RAB8B: variants seen among roughly 807,000 people sequenced by gnomAD.
RAB8B encodes the protein ras-related protein Rab-8B.
RAB8B carries 11 observed loss-of-function variants against 32.0 expected under a neutral mutation model. That is an observed-to-expected ratio of 0.34 (90% CI 0.22 to 0.57). RAB8B has a LOEUF of 0.57. RAB8B is among the 20% of genes least tolerant of loss of function. The pLI is 0.86. For missense variants in RAB8B, 190 were observed against 258.5 expected, an observed-to-expected ratio of 0.73 and a Z score of 1.82; for synonymous variants, 103 against 89.6, an observed-to-expected ratio of 1.15 and a Z score of -0.85.
chr15:63,207,392 C>T (rs936181596), intron 1 of RAB8B, among the ~76,000 whole-genome samples: 1 of 152,160 alleles, frequency 6.6e-6, no homozygotes, highest in East Asian at 1.9e-4. Flanking sequence ...TTCCCGGCCT[C>T]TCTCAGACTC....
intron 2 of RAB8B, among the ~76,000 whole-genome samples, chr15:63,246,841 C>T (rs1314837596): frequency 6.6e-6 from 1 of 152,168 alleles, no homozygotes; most frequent in Non-Finnish European, 1.5e-5. Context: ...TGTGGCTGAA[C>T]AGGAGCCCCA....
chr15:63,195,385 T>C (rs1338367089), intron 1 of RAB8B, among the ~76,000 whole-genome samples: 1 of 152,314 alleles, frequency 6.6e-6, no homozygotes, highest in South Asian at 2.1e-4. Flanking sequence ...GGTACAAATA[T>C]GGATCTGTCT....
At chr15:63,244,721 G>A (rs376579300) in intron 1 of RAB8B, 35 bp from the exon 2 acceptor site, 4 of 1,498,200 alleles carry the variant, frequency 2.7e-6, no homozygotes, top group African/African-American at 2.8e-5. Context: ...TATATCTGAA[G>A]AAACTTAACA....
At chr15:63,224,067 G>C (rs17828874) in intron 1 of RAB8B, 65,411 of 169,432 alleles carry the variant, frequency 0.39, 14,138 homozygotes, top group Non-Finnish European at 0.5. Context: ...TCAAAACAAG[G>C]AAATGCTTAT....
At chr15:63,246,665 T>A (rs2038075003) in intron 2 of RAB8B, among the ~76,000 whole-genome samples, 1 of 151,942 alleles carries the variant, frequency 6.6e-6, no homozygotes. Flanking sequence ...GTCCTTTGAG[T>A]TTTTATGGAA....
Position 63,266,437 on chromosome 15 carries a change from G to A in RAB8B, c.*2818G>A, listed in dbSNP as rs1352481922. On this transcript the variant is annotated 3_prime_UTR_variant, in exon 8 of 8. Coordinates refer to ENST00000321437, the MANE Select transcript of RAB8B (RefSeq NM_016530.3). The stretch of plus-strand genomic sequence containing the variant: ...TGCATCAGTTAGTAGGTGCTGCAGG[G>A]TTTCTTACTATTTACAGAAACATTT... 2 of 152,504 alleles carry A rather than the reference G, an allele frequency of 1.3e-5. No homozygotes were observed. Among genetic ancestry groups the A allele is most frequent in the Non-Finnish European group, 2.9e-5 (2 of 67,980 alleles). The allele number at this position is 152,504 out of a possible 1,614,324, so 9.4% of individuals were successfully genotyped here.
At chr15:63,207,052 C>T (rs376460761) in intron 1 of RAB8B, among the ~76,000 whole-genome samples, 8 of 152,340 alleles carry the variant, frequency 5.3e-5, no homozygotes, top group African/African-American at 1.9e-4. Flanking sequence ...CCGCTCCTCC[C>T]CTTTCCATGG....
At chr15:63,197,018 A>C (rs1286947487) in intron 1 of RAB8B, among the ~76,000 whole-genome samples, 1 of 152,162 alleles carries the variant, frequency 6.6e-6, no homozygotes, top group Non-Finnish European at 1.5e-5. Flanking sequence ...GCCTGTTAAC[A>C]GTTTCATGCC....
At chr15:63,215,897 G>A (rs1414842094) in intron 1 of RAB8B, among the ~76,000 whole-genome samples, 2 of 151,982 alleles carry the variant, frequency 1.3e-5, no homozygotes, top group Admixed American at 1.3e-4. Flanking sequence ...AATTAGCCAG[G>A]TGTGGTGACA....
At chr15:63,232,152 T>C (rs992782673) in intron 1 of RAB8B, among the ~76,000 whole-genome samples, 8 of 152,246 alleles carry the variant, frequency 5.3e-5, no homozygotes, top group African/African-American at 1.9e-4. Flanking sequence ...TCTTGACTTT[T>C]GGTAGTTCTA....
intron 4 of RAB8B, 37 bp downstream of exon 4, chr15:63,255,621 G>A: frequency 2.0e-6 from 3 of 1,498,238 alleles, no homozygotes; most frequent in Non-Finnish European, 1.9e-6. Context: ...TTGGAGAAGA[G>A]TCCTGCTGGG....
chr15:63,245,233 G>A (rs1279200988), intron 2 of RAB8B, among the ~76,000 whole-genome samples: 1 of 152,210 alleles, frequency 6.6e-6, no homozygotes, highest in Non-Finnish European at 1.5e-5. Flanking sequence ...CTTTGGGCCA[G>A]TTATTTCCCT....
intron 6 of RAB8B, among the ~76,000 whole-genome samples, chr15:63,262,328 G>C (rs976053424): frequency 1.3e-5 from 2 of 152,088 alleles, no homozygotes; most frequent in Non-Finnish European, 2.9e-5. Flanking sequence ...ATGAATGAAT[G>C]ATAGTTTGAT....
At chr15:63,256,885 T>G (rs1378151633) in intron 5 of RAB8B, among the ~76,000 whole-genome samples, 2 of 152,260 alleles carry the variant, frequency 1.3e-5, no homozygotes, top group African/African-American at 4.8e-5. Context: ...AGGCTGTTTC[T>G]TCCAGATCTG....
chr15:63,217,196 A>G (rs1055340812), intron 1 of RAB8B, among the ~76,000 whole-genome samples: 5 of 152,288 alleles, frequency 3.3e-5, no homozygotes, highest in South Asian at 2.1e-4. Context: ...CGAAGAGACT[A>G]ATGAAAAGAT....
At chr15:63,215,460 C>T (rs1048611639) in intron 1 of RAB8B, among the ~76,000 whole-genome samples, 1 of 152,088 alleles carries the variant, frequency 6.6e-6, no homozygotes, top group Non-Finnish European at 1.5e-5. Flanking sequence ...AACCAGTTAA[C>T]GCTGTATCTT....
At chr15:63,201,728 G>A (rs574067135) in intron 1 of RAB8B, among the ~76,000 whole-genome samples, 2 of 152,272 alleles carry the variant, frequency 1.3e-5, no homozygotes, top group East Asian at 1.9e-4. Context: ...ATATAAGGTA[G>A]AAGGAGATAG....
At chr15:63,239,050 C>G (rs1228729443) in intron 1 of RAB8B, among the ~76,000 whole-genome samples, 1 of 152,130 alleles carries the variant, frequency 6.6e-6, no homozygotes, top group Non-Finnish European at 1.5e-5. Context: ...CCCTGGAGGG[C>G]AGAACCCAGG....
chr15:63,192,097 G>A (rs2037560211), intron 1 of RAB8B, among the ~76,000 whole-genome samples: 1 of 152,164 alleles, frequency 6.6e-6, no homozygotes, highest in Non-Finnish European at 1.5e-5. Flanking sequence ...AAAGAGGTGT[G>A]AGCTGTGTCT....
Sources: allele counts gnomAD v4.1 joint callset (sites outside exome capture counted in the v4.1 genomes callset), GRCh38; gene constraint gnomAD v4.1.1; transcripts MANE v1.5; gene names NCBI Gene and HGNC (gene_info 2026-07-23, HGNC 2026-07-21).